The following TRPM3 variants were observed in gnomAD, a reference collection of about 807,000 sequenced individuals.
TRPM3 encodes the protein long transient receptor potential channel 3.
Under a neutral mutation model 181.2 loss-of-function variants are expected in TRPM3, and 77 were observed. The ratio of observed to expected loss-of-function variants is 0.42; its 90% confidence interval spans 0.35 to 0.51. TRPM3 has a LOEUF of 0.51. TRPM3 is among the 20% of genes least tolerant of loss of function. The probability of loss-of-function intolerance (pLI) is 0.01; values close to 1 mark genes in which losing one functional copy is unlikely to be tolerated. For synonymous variants in TRPM3, 745 were observed against 796.4 expected (o/e 0.94, Z 1.09); for missense variants, 1,759 against 2,196.7 (o/e 0.80, Z 3.98).
chr9:70,892,965 T>G (rs970039892), intron 1 of TRPM3, among the ~76,000 whole-genome samples: 14 of 152,316 alleles, frequency 9.2e-5, no homozygotes, highest in African/African-American at 3.4e-4. Context: ...AAATACCATC[T>G]ACTCTACTTT....
intron 1 of TRPM3, among the ~76,000 whole-genome samples, chr9:71,216,632 T>C (rs2079882400): frequency 6.6e-6 from 1 of 152,216 alleles, no homozygotes; most frequent in South Asian, 2.1e-4. Flanking sequence ...AGAGCACATT[T>C]GCACTGAACT....
At chr9:71,306,038 G>A (rs1183527573) in intron 1 of TRPM3, among the ~76,000 whole-genome samples, 1 of 152,054 alleles carries the variant, frequency 6.6e-6, no homozygotes, top group Admixed American at 6.6e-5. Flanking sequence ...CTCCTGTCAA[G>A]TTTGACAACT....
At chr9:71,008,659 C>G (rs975065119) in intron 1 of TRPM3, among the ~76,000 whole-genome samples, 1 of 152,020 alleles carries the variant, frequency 6.6e-6, no homozygotes, top group Non-Finnish European at 1.5e-5. Flanking sequence ...CCTGGCCAAC[C>G]TGGTGAAACC....
chr9:71,387,928 A>G (rs1287264324), intron 1 of TRPM3, among the ~76,000 whole-genome samples: 1 of 152,192 alleles, frequency 6.6e-6, no homozygotes, highest in Non-Finnish European at 1.5e-5. Flanking sequence ...TCAATCATAT[A>G]TTGTGCATAT....
chr9:70,690,173 C>T (rs1032317684), intron 8 of TRPM3, among the ~76,000 whole-genome samples: 1 of 152,134 alleles, frequency 6.6e-6, no homozygotes, highest in Non-Finnish European at 1.5e-5. Context: ...TATAAAGGAA[C>T]ACTCTACAAT....
chr9:71,281,836 C>G (rs1422308583), intron 1 of TRPM3, among the ~76,000 whole-genome samples: 1 of 152,038 alleles, frequency 6.6e-6, no homozygotes, highest in Admixed American at 6.5e-5. Flanking sequence ...CCAAGGTGGG[C>G]AGATCACCTG....
At chr9:70,778,112 G>C (rs897652509) in intron 7 of TRPM3, among the ~76,000 whole-genome samples, 1 of 152,054 alleles carries the variant, frequency 6.6e-6, no homozygotes, top group African/African-American at 2.4e-5. Flanking sequence ...ATATAAGGGA[G>C]GGTCAAATAT....
intron 9 of TRPM3, 119 bp from the exon 10 acceptor site, chr9:70,640,779 TG>T (rs2057943646): frequency 1.4e-6 from 1 of 711,686 alleles, no homozygotes; most frequent in Non-Finnish European, 2.4e-6. Context: ...AGAGCCTGCT[TG>T]GCTATACAGC....
rs547187149 is a variant in TRPM3, at chr9:71,172,745, T to A, written c.183+273908A>T. Among the ~76,000 whole-genome samples the A allele has an allele frequency of 3.3e-4, 51 of 152,242 alleles. 2 individuals carry two copies. The highest frequency in any genetic ancestry group is 1.2e-3 in the African/African-American group (50 of 41,552). On this transcript the variant is annotated intron_variant, in intron 1 of 24. Transcript: ENST00000357533. ...TCAGATTTACTGAACATGCTATGCG[T>A]TAGAAAAATCTCCAAACAGAATATC... is the stretch of plus-strand genomic sequence containing the variant.
At chr9:70,590,952 C>T (rs1429038184) in intron 22 of TRPM3, 79 bp downstream of exon 22, 1 of 1,584,218 alleles carries the variant, frequency 6.3e-7, no homozygotes, top group Non-Finnish European at 8.7e-7. Context: ...TGAGAACAAA[C>T]AAATGAACTT....
chr9:70,744,910 G>T (rs2134925688), intron 8 of TRPM3, among the ~76,000 whole-genome samples: 1 of 152,196 alleles, frequency 6.6e-6, no homozygotes, highest in African/African-American at 2.4e-5. Flanking sequence ...GATGCTCTTG[G>T]TTTAAGTACA....
At chr9:70,985,599 T>G (rs1014879043) in intron 1 of TRPM3, among the ~76,000 whole-genome samples, 2 of 152,232 alleles carry the variant, frequency 1.3e-5, no homozygotes, top group Non-Finnish European at 2.9e-5. Context: ...TAAATAAAAG[T>G]TGTCTTCTAA....
intron 1 of TRPM3, among the ~76,000 whole-genome samples, chr9:70,978,086 A>C (rs2097324739): frequency 6.6e-6 from 1 of 152,156 alleles, no homozygotes; most frequent in African/African-American, 2.4e-5. Context: ...CCTATCCTGA[A>C]GCTACCTAGG....
At chr9:70,680,622 C>T (rs1032612760) in intron 9 of TRPM3, among the ~76,000 whole-genome samples, 7 of 152,148 alleles carry the variant, frequency 4.6e-5, no homozygotes, top group African/African-American at 7.2e-5. Context: ...CCAACCATGA[C>T]TCTACAGCAG....
At position 70,536,787 on chromosome 9, in the gene TRPM3, G is replaced by T; in HGVS notation, c.4326C>A (p.Ser1442Arg). The change falls in exon 26 of 26, where the codon AGC becomes AGA. Residue 1442 changes from serine to arginine, a missense_variant. Coordinates refer to ENST00000677713, the MANE Select transcript of TRPM3 (RefSeq NM_001366145.2). Reference sequence around the variant, plus strand: ...CTGTGGAAGGTACTGGAGTTGAAAAGCTTGGCTCGCCCAGCCCAAGGATGT... The same window carrying T: ...CTGTGGAAGGTACTGGAGTTGAAAATCTTGGCTCGCCCAGCCCAAGGATGT... ...SVNILGLGEP[S>R]FSTPVPSTAP... 1.2e-6 allele frequency: 2 copies of T among 1,614,170 alleles called. No individual in the cohort carries two copies. The highest frequency in any genetic ancestry group is 1.1e-5 in the South Asian group (1 of 91,076).
intron 1 of TRPM3, among the ~76,000 whole-genome samples, chr9:71,268,034 G>T (rs10735601): frequency 0.94 from 142,997 of 152,276 alleles, 67,670 homozygotes; most frequent in East Asian, 1. Flanking sequence ...GAACAAATAT[G>T]CTGGGAAACC....
At chr9:71,330,765 A>T (rs1387051184) in intron 1 of TRPM3, among the ~76,000 whole-genome samples, 2 of 151,844 alleles carry the variant, frequency 1.3e-5, no homozygotes, top group Non-Finnish European at 2.9e-5. Context: ...GGTAAGATCC[A>T]AGTATGTCAG....
At chr9:70,847,395 T>G (rs1028254706) in intron 3 of TRPM3, among the ~76,000 whole-genome samples, 2 of 152,174 alleles carry the variant, frequency 1.3e-5, no homozygotes, top group African/African-American at 4.8e-5. Flanking sequence ...TAGAAAGTCC[T>G]TTGAAATAGG....
At chr9:71,303,484 T>C (rs1000312552) in intron 1 of TRPM3, among the ~76,000 whole-genome samples, 8 of 152,300 alleles carry the variant, frequency 5.3e-5, no homozygotes, top group African/African-American at 1.9e-4. Flanking sequence ...ATTAGAGAAA[T>C]GGCAATAAGT....
Sources: gnomAD v4.1 joint callset for allele counts (sites outside exome capture counted in the v4.1 genomes callset) on GRCh38, gnomAD v4.1.1 for gene constraint, MANE v1.5 for transcripts, NCBI Gene and HGNC (gene_info 2026-07-23, HGNC 2026-07-21) for gene names.